TRIM46: variants seen among roughly 807,000 people sequenced by gnomAD.
TRIM46 encodes the protein tripartite motif-containing protein 46.
A neutral mutation model predicts 69.7 loss-of-function variants in TRIM46; 17 were observed. The observed-to-expected ratio is 0.24, with a 90% CI of 0.17 to 0.37. The LOEUF is 0.37. Ranked by LOEUF, TRIM46 falls within the 10% of genes least tolerant of loss-of-function variation. TRIM46 has a pLI of 1.00. For missense variants in TRIM46, 675 were observed against 1,025.1 expected (o/e 0.66, Z 4.66); for synonymous variants, 391 against 429.0 (o/e 0.91, Z 1.09).
At position 155,176,811 on chromosome 1, in the gene TRIM46, A is replaced by G. The variant is rs144088872; in HGVS notation, c.670-121A>G. On this transcript the variant is annotated intron_variant, in intron 3 of 9. Transcript: ENST00000334634. ...CCACCAGGTGGCACTGTGGAGCACC[A>G]CCAGCGGATGTCTCCACTCCCATCT... 3.3e-4 allele frequency: 426 copies of G among 1,279,382 alleles called. No homozygotes were observed. In the African/African-American group the frequency reaches 5.5e-3, roughly 17 times the overall value. The allele number at this position is 1,279,382 out of a possible 1,614,324, so 79.3% of individuals were successfully genotyped here. A position where few individuals can be genotyped will look rare whatever the true frequency, so the allele number is the denominator to read the frequency against.
chr1:155,178,739 T>TTGGCCCCCCCCCCCCCCCCCCC, intron 7 of TRIM46, 126 bp downstream of exon 7: 46 of 1,348,432 alleles, frequency 3.4e-5, no homozygotes, highest in Non-Finnish European at 4.4e-5. Flanking sequence ...CAGCCATTCC[T>TTGGCCCCCCCCCCCCCCCCCCC]CCCACCCAGC....
Position 155,179,764 on chromosome 1 carries a change from C to T in TRIM46, c.1418C>T (p.Ala473Val). Residue 473 changes from alanine to valine, a missense_variant, in exon 8 of 10, where the codon GCT (alanine) becomes GTT (valine). Transcript: ENST00000334634. ...GAGTTCCGGCGCACGGATGTGCCTGCTCAGCCAGGCCCCACCCGCTGGCAG... is the reference window on the plus strand; with the variant it reads ...GAGTTCCGGCGCACGGATGTGCCTGTTCAGCCAGGCCCCACCCGCTGGCAG... ...TVEFRRTDVP[A>V]QPGPTRWQRR... is the part of the protein sequence containing the mutation. The T allele has an allele frequency of 1.2e-6, 2 of 1,613,360 alleles. No individual in the cohort carries two copies. Among genetic ancestry groups the T allele is most frequent in the Non-Finnish European group, 1.7e-6 (2 of 1,179,958 alleles).
chr1:155,181,494 T>C lies in TRIM46; in HGVS notation c.1589-358T>C, dbSNP rs554779924. Reference sequence around the variant, plus strand: ...CAGAGTATGGGCTGGAAGGCACAGATTGATGGTGATGGGAATGTCACCAGG... The same window carrying C: ...CAGAGTATGGGCTGGAAGGCACAGACTGATGGTGATGGGAATGTCACCAGG... On this transcript the variant is annotated intron_variant, in intron 8 of 9. Transcript: ENST00000334634. The surrounding 1 kb of genome is among the most constrained non-coding windows in gnomAD (Gnocchi z 4.3). 3.9e-5 allele frequency among the ~76,000 whole-genome samples: 6 copies of C among 151,970 alleles called. No homozygotes were observed. Among genetic ancestry groups the C allele is most frequent in the Non-Finnish European group, 5.9e-5 (4 of 67,940 alleles).
At chr1:155,177,618 G>A (rs1165110576) in intron 5 of TRIM46, among the ~76,000 whole-genome samples, 3 of 152,244 alleles carry the variant, frequency 2.0e-5, no homozygotes, top group African/African-American at 7.2e-5. Flanking sequence ...GTGAGGTGAT[G>A]ACTGATACCT....
intron 1 of TRIM46, chr1:155,174,510 A>G (rs534143578): frequency 2.8e-6 from 4 of 1,434,096 alleles, no homozygotes; most frequent in Non-Finnish European, 3.7e-6. Flanking sequence ...TGTCATGGCA[A>G]CCCGTGCCTG....
chr1:155,174,170 G>A (rs1665414265), intron 1 of TRIM46, 141 bp downstream of exon 1: 2 of 1,002,692 alleles, frequency 2.0e-6, no homozygotes, highest in Non-Finnish European at 3.0e-6. Flanking sequence ...TGGGAGGGTC[G>A]GGATGCAGGT....
At chr1:155,183,365 C>T (rs901702214) in intron 9 of TRIM46, among the ~76,000 whole-genome samples, 7 of 151,824 alleles carry the variant, frequency 4.6e-5, no homozygotes, top group Non-Finnish European at 8.8e-5. Flanking sequence ...ACCTCTAACA[C>T]CCTTCATTTG....
Position 155,184,944 on chromosome 1 carries a change from T to G in TRIM46, c.*754T>G, listed in dbSNP as rs550094964. 1 of 152,688 alleles carries G rather than the reference T, an allele frequency of 6.5e-6. No homozygotes were observed. The highest frequency in any genetic ancestry group is 1.5e-5 in the Non-Finnish European group (1 of 68,142). 9.5% of individuals were successfully genotyped at this position (152,688 alleles called of 1,614,324 possible). A position where few individuals can be genotyped will look rare whatever the true frequency, so the allele number is the denominator to read the frequency against. On this transcript the variant is annotated 3_prime_UTR_variant, in exon 10 of 10. Coordinates refer to ENST00000334634, the MANE Select transcript of TRIM46 (RefSeq NM_025058.5). The surrounding 1 kb of genome is among the most constrained non-coding windows in gnomAD (Gnocchi z 5.6). ...ATGGTTTATAAACAATAAACTGTGA[T>G]GCCAGGCACATCTCTGCCTTCCCTG... is the stretch of plus-strand genomic sequence containing the variant.
rs1346357992 is a variant in TRIM46, at chr1:155,175,521, A to C, written c.199A>C (p.Ile67Leu). The change falls in exon 2 of 10, where the codon ATA becomes CTA. Residue 67 changes from isoleucine to leucine, a missense_variant. Ile to Leu is a conservative substitution (Grantham distance 5, BLOSUM62 2). Transcript: ENST00000334634. The surrounding 1 kb of genome is among the most constrained non-coding windows in gnomAD (Gnocchi z 4.2). ...AREVLGQQGYIGHGGDPSSEP... is the reference protein window; with the variant it reads ...AREVLGQQGYLGHGGDPSSEP... ...AGAGGTCTTGGGCCAGCAGGGCTAC[A>C]TAGGACATGGTGGGGACCCCAGCTC... 7 of 1,613,982 alleles carry C rather than the reference A, an allele frequency of 4.3e-6. No individual in the cohort carries two copies. Among genetic ancestry groups the C allele is most frequent in the African/African-American group, 1.3e-5 (1 of 74,922 alleles).
rs201105101 is a variant in TRIM46, at chr1:155,178,043, G to A, written c.951G>A (p.Val317=). 4.2e-5 allele frequency: 67 copies of A among 1,613,738 alleles called. No individual in the cohort carries two copies. Among genetic ancestry groups the A allele is most frequent in the Middle Eastern group, 3.5e-4 (2 of 5,706 alleles). Residue 317 remains valine (V), a synonymous_variant, in exon 6 of 10, where the codon GTG becomes GTA. Coordinates refer to ENST00000334634, the MANE Select transcript of TRIM46 (RefSeq NM_025058.5). ...QQAKEEVSQL[V]RGLGAVLEEK... The stretch of plus-strand genomic sequence containing the variant: ...CCAAGGAGGAGGTGTCGCAGCTGGT[G>A]CGGGGGCTGGGGGCTGTGCTGGAGG...
chr1:155,180,346 CAG>C (rs1468082488), intron 8 of TRIM46: 16 of 311,066 alleles, frequency 5.1e-5, no homozygotes, highest in African/African-American at 3.5e-4. Context: ...CCTGTAATCC[CAG>C]CACTTTGGGA....
In TRIM46 at chr1:155,178,037, G is replaced by T. The variant is rs767923993; in HGVS notation, c.945G>T (p.Gln315His). ...SGQQAKEEVSQLVRGLGAVLE... is the reference protein window; with the variant it reads ...SGQQAKEEVSHLVRGLGAVLE... ...AGCAGGCCAAGGAGGAGGTGTCGCA[G>T]CTGGTGCGGGGGCTGGGGGCTGTGC... The change falls in exon 6 of 10, where the codon CAG becomes CAT. Residue 315 changes from glutamine (Q) to histidine (H), a missense_variant. This residue lies in a region of TRIM46 where 361 missense variants were observed against 498.3 expected (regional missense o/e 0.72). Coordinates refer to ENST00000334634, the MANE Select transcript of TRIM46 (RefSeq NM_025058.5). 2.5e-6 allele frequency: 4 copies of T among 1,613,664 alleles called. No individual in the cohort carries two copies. The highest frequency in any genetic ancestry group is 1.7e-5 in the Admixed American group (1 of 60,022).
Position 155,178,168 on chromosome 1 carries a change from G to A in TRIM46, c.1076G>A (p.Gly359Asp), listed in dbSNP as rs1452594992. The change falls in exon 6 of 10, where the codon GGC becomes GAC. Residue 359 changes from glycine (G) to aspartate (D), a missense_variant. Physicochemically the swap from Gly to Asp is moderately conservative, Grantham distance 94. Transcript: ENST00000334634. ...CAGGAGCACCGGAGCCTGCTGGATG[G>A]CTCAGGTCTGGTGGGCTATGCCCAG... The part of the protein sequence containing the change: ...QIQEHRSLLD[G>D]SGLVGYAQEV... 6.2e-7 allele frequency: 1 copy of A among 1,614,134 alleles called. No homozygotes were observed. Among genetic ancestry groups the A allele is most frequent in the Non-Finnish European group, 8.5e-7 (1 of 1,179,988 alleles).
At chr1:155,174,792 C>A (rs1485294385) in intron 1 of TRIM46, 1 of 1,428,156 alleles carries the variant, frequency 7.0e-7, no homozygotes, top group South Asian at 1.4e-5. Flanking sequence ...GGTTGCGCTG[C>A]GGGAGAGGGC....
At chr1:155,183,460 C>G (rs1027172180) in intron 9 of TRIM46, among the ~76,000 whole-genome samples, 2 of 152,128 alleles carry the variant, frequency 1.3e-5, no homozygotes, top group Non-Finnish European at 2.9e-5. Context: ...CGGATTCTTC[C>G]AATGTCCTCT....
rs1348659390 is a variant in TRIM46, at chr1:155,178,179, G to A, written c.1087G>A (p.Val363Met). 1.2e-6 allele frequency: 2 copies of A among 1,614,066 alleles called. No individual in the cohort carries two copies. Among genetic ancestry groups the A allele is most frequent in the Non-Finnish European group, 1.7e-6 (2 of 1,179,922 alleles). ...HRSLLDGSGL[V>M]GYAQEVLKET... ...GAGCCTGCTGGATGGCTCAGGTCTG[G>A]TGGGCTATGCCCAGGAAGTACTTAA... Residue 363 changes from valine to methionine, a missense_variant, in exon 6 of 10, where the codon GTG becomes ATG. Physicochemically the swap from Val to Met is conservative, Grantham distance 21. Transcript: ENST00000334634.
intron 8 of TRIM46, chr1:155,180,461 G>C (rs1666074124): frequency 2.3e-6 from 1 of 434,638 alleles, no homozygotes; most frequent in Non-Finnish European, 4.1e-6. Flanking sequence ...CAGGCGTGGT[G>C]GTGCGTGCCT....
At position 155,183,759 on chromosome 1, in the gene TRIM46, T is replaced by C. The variant is rs769236297; in HGVS notation, c.1887-38T>C. On this transcript the variant is annotated intron_variant, in intron 9 of 9. Transcript: ENST00000334634. ...CTCTGGTACCTCATCCGTCACTCCA[T>C]CCCTCAACAATCTCGTCCCCAACAC... 14 of 1,594,538 alleles carry C rather than the reference T, an allele frequency of 8.8e-6. 1 individual carries two copies. The South Asian group carries it at 1.5e-4, about 18-fold the overall frequency.
chr1:155,184,207 A>T lies in TRIM46; in HGVS notation c.*17A>T. On this transcript the variant is annotated 3_prime_UTR_variant, in exon 10 of 10. Transcript: ENST00000334634. The surrounding 1 kb of genome is among the most constrained non-coding windows in gnomAD (Gnocchi z 5.6). ...CTGGACTGAGCCTTCCAGGCCCCTC[A>T]TGCAGACCTGGGGTCCTCCTGGGCC... is the stretch of plus-strand genomic sequence containing the variant. 3 of 1,581,242 alleles carry T rather than the reference A, an allele frequency of 1.9e-6. No individual in the cohort carries two copies. Among genetic ancestry groups the T allele is most frequent in the East Asian group, 2.3e-5 (1 of 44,372 alleles).
Sources: allele counts gnomAD v4.1 joint callset (sites outside exome capture counted in the v4.1 genomes callset), GRCh38; gene constraint gnomAD v4.1.1; regional missense constraint gnomAD v4.1.1; non-coding constraint Gnocchi (gnomAD v3.1); transcripts MANE v1.5; gene names NCBI Gene and HGNC (gene_info 2026-07-23, HGNC 2026-07-21).